The following SERPINB12 variants were observed in gnomAD, a reference collection of about 807,000 sequenced individuals.
SERPINB12 encodes serpin family B member 12, also known as serpin B12.
SERPINB12 carries 57 observed loss-of-function variants against 41.1 expected under a neutral mutation model. The ratio of observed to expected loss-of-function variants is 1.39; its 90% CI spans 1.12 to 1.73. The LOEUF is 1.73. SERPINB12 is among the 40% of genes most tolerant of loss of function. The pLI, the probability that SERPINB12 is intolerant of heterozygous loss-of-function variation, is 0.00. For missense variants in SERPINB12, 536 were observed against 501.9 expected (o/e 1.07, Z -0.65); for synonymous variants, 180 against 181.3 (o/e 0.99, Z 0.06).
chr18:63,554,448 G>A (rs1228095828), intron 1 of SERPINB12, among the ~76,000 whole-genome samples: 1 of 152,152 alleles, frequency 6.6e-6, no homozygotes, highest in Non-Finnish European at 1.5e-5. Flanking sequence ...CTGGGAAAGT[G>A]TTAAAACAAA....
upstream of SERPINB12, among the ~76,000 whole-genome samples, chr18:63,540,030 A>G (rs370422965): frequency 1.2e-4 from 18 of 152,274 alleles, no homozygotes; most frequent in African/African-American, 4.3e-4. Flanking sequence ...TTTTCCCCTA[A>G]GAATACTGAG....
At chr18:63,531,661 CA>C in the SERPINB12 span, among the ~76,000 whole-genome samples, 1 of 152,142 alleles carries the variant, frequency 6.6e-6, no homozygotes, top group African/African-American at 2.4e-5. Flanking sequence ...AGTAAATATT[CA>C]ACAAATATTT....
At position 63,561,117 on chromosome 18, in the gene SERPINB12, C is replaced by G; in HGVS notation, c.477C>G (p.His159Gln). 3.1e-6 allele frequency: 5 copies of G among 1,612,368 alleles called. No homozygotes were observed. In the Admixed American group the frequency reaches 8.3e-5, roughly 27 times the overall value. Residue 159 changes from histidine to glutamine, a missense_variant, in exon 5 of 8, where the codon CAC becomes CAG. By Grantham distance (24) the His-to-Gln change is conservative. Coordinates refer to ENST00000382768, the MANE Select transcript of SERPINB12 (RefSeq NM_001307928.2). The part of the protein sequence containing the change: ...EYLDGVIQFY[H>Q]TTIESVDFQK... ...TAGATGGTGTGATTCAATTTTACCA[C>G]ACGACGATTGAAAGTGTTGATTTCC...
At position 63,561,106 on chromosome 18, in the gene SERPINB12, C is replaced by A. The variant is rs769887744; in HGVS notation, c.466C>A (p.Gln156Lys). 24 of 1,609,434 alleles carry A rather than the reference C, an allele frequency of 1.5e-5. No homozygotes were observed. The South Asian group carries it at 2.6e-4, about 18-fold the overall frequency. ...ACAGGAATACTTAGATGGTGTGATT[C>A]AATTTTACCACACGACGATTGAAAG... The part of the protein sequence containing the change: ...ICQEYLDGVI[Q>K]FYHTTIESVD... The change falls in exon 5 of 8, where the codon CAA becomes AAA. Residue 156 changes from glutamine (Q) to lysine (K), a missense_variant. Gln to Lys is a moderately conservative substitution (Grantham distance 53). Transcript: ENST00000382768.
At chr18:63,560,940 G>C in intron 4 of SERPINB12, 145 bp from the exon 5 acceptor site, 1 of 640,818 alleles carries the variant, frequency 1.6e-6, no homozygotes, top group Admixed American at 2.6e-5. Flanking sequence ...ACTGGGGATG[G>C]CTAGAAACTG....
chr18:63,563,377 G>A (rs1224885618), intron 5 of SERPINB12, among the ~76,000 whole-genome samples: 1 of 152,130 alleles, frequency 6.6e-6, no homozygotes, highest in East Asian at 1.9e-4. Flanking sequence ...ATAAACCATA[G>A]TATAAGATGT....
At position 63,559,660 on chromosome 18, in the gene SERPINB12, A is replaced by AT; in HGVS notation, c.388dup (p.Tyr130LeufsTer34). 1 of 1,614,132 alleles carries AT rather than the reference A, an allele frequency of 6.2e-7. No homozygotes were observed. Among genetic ancestry groups the AT allele is most frequent in the Non-Finnish European group, 8.5e-7 (1 of 1,179,980 alleles). On this transcript the variant is annotated frameshift_variant, in exon 4 of 8. Coordinates refer to ENST00000382768, the MANE Select transcript of SERPINB12 (RefSeq NM_001307928.2). LOFTEE classifies it high-confidence loss of function. Reference sequence around the variant, plus strand: ...TCCAAATTAGACAGGATCAAGACTGATTACACACTGAGTATTGCCAACAGG... The same window carrying AT: ...TCCAAATTAGACAGGATCAAGACTGATTTACACACTGAGTATTGCCAACAGG...
At chr18:63,547,802 AT>A (rs1158194309) in intron 1 of SERPINB12, among the ~76,000 whole-genome samples, 3 of 152,160 alleles carry the variant, frequency 2.0e-5, no homozygotes, top group African/African-American at 7.2e-5. Context: ...TGATTCTCTT[AT>A]GCAGAATCTC....
At chr18:63,528,315 A>G in the SERPINB12 span, among the ~76,000 whole-genome samples, 16 of 152,062 alleles carry the variant, frequency 1.1e-4, no homozygotes, top group Non-Finnish European at 5.9e-5. Flanking sequence ...TTTTGAACAG[A>G]TAGCTGGCTG....
upstream of SERPINB12, among the ~76,000 whole-genome samples, chr18:63,537,519 A>G (rs1296945178): frequency 6.6e-6 from 1 of 152,184 alleles, no homozygotes; most frequent in African/African-American, 2.4e-5. Flanking sequence ...CTTGAAAGAT[A>G]TTTGATTTAA....
At chr18:63,550,482 C>T (rs1910496399) in intron 1 of SERPINB12, among the ~76,000 whole-genome samples, 1 of 152,208 alleles carries the variant, frequency 6.6e-6, no homozygotes, top group South Asian at 2.1e-4. Context: ...TTTAGTAATA[C>T]ATCTACAATA....
chr18:63,568,255 C>T lies in SERPINB12; in HGVS notation c.*1244C>T, dbSNP rs1225647667. 6.6e-6 allele frequency among the ~76,000 whole-genome samples: 1 copy of T among 152,150 alleles called. No individual in the cohort carries two copies. The highest frequency in any genetic ancestry group is 1.5e-5 in the Non-Finnish European group (1 of 68,024). ...AATTAGCCGGGCGTGGTGGTGTGCA[C>T]CTATAGTCCCAGCTACTCGGGAGGC... On this transcript the variant is annotated 3_prime_UTR_variant, in exon 8 of 8. Transcript: ENST00000382768.
intron 6 of SERPINB12, 30 bp from the exon 7 acceptor site, chr18:63,565,414 GT>G (rs1568132748): frequency 6.3e-7 from 1 of 1,597,756 alleles, no homozygotes; most frequent in East Asian, 2.2e-5. Context: ...TCCCATAGCC[GT>G]CCTGTGACCT....
chr18:63,541,726 G>C (rs1447971964), upstream of SERPINB12, among the ~76,000 whole-genome samples: 1 of 152,168 alleles, frequency 6.6e-6, no homozygotes, highest in East Asian at 1.9e-4. Flanking sequence ...AGGCAAATGG[G>C]GATGGAGGAG....
chr18:63,533,435 C>T, the SERPINB12 span, among the ~76,000 whole-genome samples: 5 of 152,164 alleles, frequency 3.3e-5, no homozygotes, highest in African/African-American at 1.2e-4. Flanking sequence ...CTCATGTGAA[C>T]AAATATGGCA....
At chr18:63,556,586 C>T (rs1421193166) in intron 2 of SERPINB12, among the ~76,000 whole-genome samples, 1 of 152,222 alleles carries the variant, frequency 6.6e-6, no homozygotes. Context: ...TCTCATTCAT[C>T]TCTATCTTTA....
chr18:63,537,900 T>C (rs1910205206), upstream of SERPINB12, among the ~76,000 whole-genome samples: 1 of 152,094 alleles, frequency 6.6e-6, no homozygotes, highest in Non-Finnish European at 1.5e-5. Flanking sequence ...TGAGAGTAGG[T>C]GGAACAGGTA....
intron 1 of SERPINB12, among the ~76,000 whole-genome samples, chr18:63,551,291 A>G (rs1910522256): frequency 6.6e-6 from 1 of 152,080 alleles, no homozygotes; most frequent in Non-Finnish European, 1.5e-5. Flanking sequence ...AAAGAAACAA[A>G]AAAAACAAAA....
intron 1 of SERPINB12, among the ~76,000 whole-genome samples, chr18:63,545,085 G>A (rs1035058998): frequency 6.6e-6 from 1 of 152,102 alleles, no homozygotes; most frequent in Non-Finnish European, 1.5e-5. Flanking sequence ...GGCAGAAAAA[G>A]GCTAATTGCT....
Sources: allele counts gnomAD v4.1 joint callset (sites outside exome capture counted in the v4.1 genomes callset), GRCh38; gene constraint gnomAD v4.1.1; transcripts MANE v1.5; gene names NCBI Gene and HGNC (gene_info 2026-07-23, HGNC 2026-07-21).